Variants in ZFP1 observed in about 807,000 individuals in gnomAD.
ZFP1 encodes ZFP1 zinc finger protein.
ZFP1 carries 32 observed loss-of-function variants against 38.5 expected under a neutral mutation model. That is an observed-to-expected ratio of 0.83 (90% CI 0.63 to 1.12). The LOEUF (loss-of-function observed/expected upper bound fraction) is 1.12, where lower values mean the gene tolerates loss of function less well. ZFP1 is among the 50% of genes most tolerant of loss of function. The pLI, the probability that ZFP1 is intolerant of heterozygous loss-of-function variation, is 0.00. For synonymous variants in ZFP1, 245 were observed against 168.8 expected (o/e 1.45, Z -3.50); for missense variants, 616 against 480.8 (o/e 1.28, Z -2.63).
chr16:75,162,995 C>T (rs1039341759), intron 2 of ZFP1, among the ~76,000 whole-genome samples: 4 of 151,516 alleles, frequency 2.6e-5, no homozygotes, highest in East Asian at 3.9e-4. Flanking sequence ...CTGCAAGCTC[C>T]GCCTCCTGGG....
chr16:75,130,865 G>A, the ZFP1 span, among the ~76,000 whole-genome samples: 2 of 150,522 alleles, frequency 1.3e-5, no homozygotes, highest in Admixed American at 6.6e-5. Flanking sequence ...ACCATTCCAC[G>A]GCCTAAAACG....
Position 75,171,523 on chromosome 16 carries a change from C to G in ZFP1, c.*1189C>G, listed in dbSNP as rs558322273. On this transcript the variant is annotated 3_prime_UTR_variant, in exon 4 of 4. Coordinates refer to ENST00000570010, the MANE Select transcript of ZFP1 (RefSeq NM_153688.4). ...ATTACTTTTCCTTTACATGTTTACA[C>G]TTTTATAAAAATCAGATTTTTCAGT... 6 of 152,286 alleles carry G rather than the reference C, an allele frequency of 3.9e-5. No homozygotes were observed. The highest frequency in any genetic ancestry group is 1.2e-4 in the African/African-American group (5 of 41,574). The allele number at this position is 152,286 out of a possible 1,614,324, so 9.4% of individuals were successfully genotyped here.
At chr16:75,165,630 G>T (rs974338082) in intron 2 of ZFP1, among the ~76,000 whole-genome samples, 2 of 151,946 alleles carry the variant, frequency 1.3e-5, no homozygotes, top group South Asian at 2.1e-4. Flanking sequence ...CCTGTGATCC[G>T]CCCACCTCGG....
At chr16:75,133,576 C>T in the ZFP1 span, among the ~76,000 whole-genome samples, 1 of 152,168 alleles carries the variant, frequency 6.6e-6, no homozygotes, top group Non-Finnish European at 1.5e-5. Flanking sequence ...CATCCATGTT[C>T]CCACAAAAGA....
At chr16:75,142,894 G>A in the ZFP1 span, among the ~76,000 whole-genome samples, 1 of 152,026 alleles carries the variant, frequency 6.6e-6, no homozygotes. Context: ...TAGAGATGAG[G>A]TTTCACCATA....
In ZFP1 at chr16:75,166,786, C is replaced by A; in HGVS notation, c.32C>A (p.Thr11Lys). 6.2e-7 allele frequency: 1 copy of A among 1,614,122 alleles called. No individual in the cohort carries two copies. The highest frequency in any genetic ancestry group is 2.2e-5 in the East Asian group (1 of 44,876). Reference sequence around the variant, plus strand: ...CCATTTCAGGGATCAGTTTCATTCACGGATGTGACTGTGGACTTTACCCAG... The same window carrying A: ...CCATTTCAGGGATCAGTTTCATTCAAGGATGTGACTGTGGACTTTACCCAG... MNKSQGSVSF[T>K]DVTVDFTQEE... Residue 11 changes from threonine (T) to lysine (K), a missense_variant, in exon 3 of 4, where the codon ACG becomes AAG. Transcript: ENST00000570010.
chr16:75,127,987 G>A, the ZFP1 span: 1 of 152,164 alleles, frequency 6.6e-6, no homozygotes, highest in Admixed American at 6.5e-5. Context: ...ACAGTTATTT[G>A]CATAAGTGCA....
upstream of ZFP1, among the ~76,000 whole-genome samples, chr16:75,148,131 A>G (rs372461022): frequency 4.6e-4 from 70 of 152,344 alleles, 1 homozygote; most frequent in East Asian, 8.3e-3. Context: ...CAAAAAAATC[A>G]AAGTGCGAAC....
chr16:75,138,016 C>T, the ZFP1 span, among the ~76,000 whole-genome samples: 2 of 147,344 alleles, frequency 1.4e-5, no homozygotes, highest in South Asian at 2.1e-4. Context: ...GACATAACCT[C>T]CCACTTCCTT....
chr16:75,161,757 A>AATATAT (rs1338490455), intron 2 of ZFP1, among the ~76,000 whole-genome samples: 299 of 14,266 alleles, frequency 0.021, 27 homozygotes, highest in African/African-American at 0.05. Context: ...AGTTTTATGA[A>AATATAT]ATATATATAT....
At chr16:75,152,513 C>T (rs2037256813) in intron 1 of ZFP1, among the ~76,000 whole-genome samples, 1 of 152,150 alleles carries the variant, frequency 6.6e-6, no homozygotes. Flanking sequence ...CTTAGCATTT[C>T]CATTTGATTT....
chr16:75,143,286 G>T, the ZFP1 span, among the ~76,000 whole-genome samples: 1 of 152,102 alleles, frequency 6.6e-6, no homozygotes, highest in Admixed American at 6.6e-5. Context: ...TTGTTGCCCA[G>T]GCTGGAGTGC....
At chr16:75,120,233 C>T in the ZFP1 span, among the ~76,000 whole-genome samples, 2 of 152,048 alleles carry the variant, frequency 1.3e-5, no homozygotes, top group African/African-American at 2.4e-5. Context: ...AGAATCTTGT[C>T]TTTTTTTGAG....
At chr16:75,142,538 G>C in the ZFP1 span, among the ~76,000 whole-genome samples, 1 of 152,088 alleles carries the variant, frequency 6.6e-6, no homozygotes, top group Non-Finnish European at 1.5e-5. Context: ...GCTCCCAAAA[G>C]TGTCTCTAGC....
upstream of ZFP1, among the ~76,000 whole-genome samples, chr16:75,145,958 C>T (rs1282987442): frequency 6.6e-6 from 1 of 152,154 alleles, no homozygotes; most frequent in Non-Finnish European, 1.5e-5. Context: ...TTAATTGTAA[C>T]ACACCCCTAG....
the ZFP1 span, among the ~76,000 whole-genome samples, chr16:75,122,915 T>G: frequency 6.6e-6 from 1 of 152,218 alleles, no homozygotes; most frequent in African/African-American, 2.4e-5. Flanking sequence ...TAATTTTAAA[T>G]AATGACAAGC....
At chr16:75,162,098 G>A (rs2037820195) in intron 2 of ZFP1, among the ~76,000 whole-genome samples, 1 of 151,538 alleles carries the variant, frequency 6.6e-6, no homozygotes, top group Non-Finnish European at 1.5e-5. Flanking sequence ...ATATTTTTAT[G>A]TATTAAAACA....
the ZFP1 span, among the ~76,000 whole-genome samples, chr16:75,125,966 C>G: frequency 1.4e-5 from 2 of 146,892 alleles, no homozygotes; most frequent in African/African-American, 5.0e-5. Context: ...TCGCTTGAAT[C>G]TGGGAGGCAG....
At chr16:75,124,863 GT>G in the ZFP1 span, among the ~76,000 whole-genome samples, 1,009 of 127,606 alleles carry the variant, frequency 7.9e-3, 12 homozygotes, top group East Asian at 0.067. Flanking sequence ...AAATAAAGAG[GT>G]TTTTTTTTTT....
Sources: allele counts gnomAD v4.1 joint callset (sites outside exome capture counted in the v4.1 genomes callset), GRCh38; gene constraint gnomAD v4.1.1; transcripts MANE v1.5; gene names NCBI Gene and HGNC (gene_info 2026-07-23, HGNC 2026-07-21).